Variants in MAPK10 observed in about 807,000 individuals in gnomAD.
MAPK10 encodes mitogen-activated protein kinase 10.
MAPK10 carries 25 observed loss-of-function variants against 59.3 expected under a neutral mutation model. That is an observed-to-expected ratio of 0.42 (90% CI 0.31 to 0.59). The LOEUF (loss-of-function observed/expected upper bound fraction) is 0.59, where lower values mean the gene tolerates loss of function less well. MAPK10 is among the 20% of genes least tolerant of loss of function. The probability of loss-of-function intolerance (pLI) is 0.15; values close to 1 mark genes in which losing one functional copy is unlikely to be tolerated. For missense variants in MAPK10, 351 were observed against 568.9 expected, an observed-to-expected ratio of 0.62 and a Z score of 3.90; for synonymous variants, 190 against 200.5, an observed-to-expected ratio of 0.95 and a Z score of 0.44.
rs947268881 is a variant in MAPK10, at chr4:86,508,328, T to G, written c.-263+85582A>C. 2.6e-5 allele frequency among the ~76,000 whole-genome samples: 4 copies of G among 152,132 alleles called. No homozygotes were observed. The East Asian group carries it at 7.7e-4, about 29-fold the overall frequency. ...TCTTCTCTAGGACTCTTGGACTCCC[T>G]CCCTTTGGTGAGTTCTTTTTTACTT... On this transcript the variant is annotated intron_variant, in intron 1 of 4. Coordinates refer to the MAPK10 transcript ENST00000502302.
chr4:86,096,633 T>C (rs781284246), intron 9 of MAPK10, among the ~76,000 whole-genome samples: 13 of 151,936 alleles, frequency 8.6e-5, no homozygotes, highest in Non-Finnish European at 1.8e-4. Context: ...TGAGTATTGA[T>C]TGAGAGGTTC....
intron 2 of MAPK10, among the ~76,000 whole-genome samples, chr4:86,331,648 C>A (rs1424391357): frequency 6.6e-6 from 1 of 152,156 alleles, no homozygotes; most frequent in East Asian, 1.9e-4. Flanking sequence ...GAAAAACGTT[C>A]TCAGTTGGCA....
intron 1 of MAPK10, among the ~76,000 whole-genome samples, chr4:86,432,307 C>A (rs142964410): frequency 6.6e-6 from 1 of 152,200 alleles, no homozygotes; most frequent in Admixed American, 6.5e-5. Context: ...TGGAATCTTG[C>A]CCTGTCACTG....
chr4:86,343,978 T>C (rs1358149420), intron 2 of MAPK10, among the ~76,000 whole-genome samples: 2 of 152,240 alleles, frequency 1.3e-5, no homozygotes, highest in East Asian at 3.8e-4. Context: ...TATTTTAATT[T>C]ATAAAATGGT....
At chr4:86,562,107 G>C (rs138362332) in intron 1 of MAPK10, among the ~76,000 whole-genome samples, 1 of 152,230 alleles carries the variant, frequency 6.6e-6, no homozygotes, top group Non-Finnish European at 1.5e-5. Context: ...TGTAATTCTA[G>C]TACTTTGGGA....
intron 13 of MAPK10, among the ~76,000 whole-genome samples, chr4:86,019,877 A>C (rs763956006): frequency 6.6e-6 from 1 of 152,206 alleles, no homozygotes; most frequent in Non-Finnish European, 1.5e-5. Flanking sequence ...ATGGTGCTAC[A>C]GCTTAATTTA....
intron 1 of MAPK10, among the ~76,000 whole-genome samples, chr4:86,438,520 T>C (rs1375336172): frequency 6.6e-6 from 1 of 151,922 alleles, no homozygotes; most frequent in Non-Finnish European, 1.5e-5. Context: ...TGAGAACTTG[T>C]CTGTACTAAA....
chr4:86,255,098 GA>G (rs2093648641), intron 2 of MAPK10, among the ~76,000 whole-genome samples: 4 of 151,144 alleles, frequency 2.6e-5, no homozygotes, highest in South Asian at 2.1e-4. Context: ...AAGAAAAAAA[GA>G]AAAAAAAGAA....
chr4:86,341,165 T>C (rs1724680777), intron 2 of MAPK10, among the ~76,000 whole-genome samples: 1 of 152,150 alleles, frequency 6.6e-6, no homozygotes, highest in Non-Finnish European at 1.5e-5. Context: ...ACAATACTAA[T>C]GGATAACAAT....
chr4:86,181,930 A>G (rs181918684), intron 3 of MAPK10, among the ~76,000 whole-genome samples: 64 of 152,284 alleles, frequency 4.2e-4, no homozygotes, highest in Non-Finnish European at 7.4e-4. Flanking sequence ...CAAAAAGAAC[A>G]CTTTCATGAG....
chr4:86,310,752 CT>C (rs1460554026), intron 2 of MAPK10, among the ~76,000 whole-genome samples: 1 of 152,058 alleles, frequency 6.6e-6, no homozygotes, highest in African/African-American at 2.4e-5. Flanking sequence ...GGCTTGCTCT[CT>C]GTTATTTTTT....
chr4:86,139,938 A>G (rs2149174039), intron 4 of MAPK10, among the ~76,000 whole-genome samples: 1 of 147,900 alleles, frequency 6.8e-6, no homozygotes, highest in African/African-American at 2.6e-5. Context: ...AAAAATGCTC[A>G]TCATCACTGG....
chr4:86,366,488 A>C (rs1174855922), intron 1 of MAPK10, among the ~76,000 whole-genome samples: 1 of 152,160 alleles, frequency 6.6e-6, no homozygotes, highest in Admixed American at 6.5e-5. Flanking sequence ...AGGGTTCCTA[A>C]ACCTGAATAT....
intron 2 of MAPK10, among the ~76,000 whole-genome samples, chr4:86,338,699 G>C (rs1197775512): frequency 6.6e-6 from 1 of 152,180 alleles, no homozygotes; most frequent in African/African-American, 2.4e-5. Flanking sequence ...GAGTACACAT[G>C]TTAATGAAGA....
intron 2 of MAPK10, among the ~76,000 whole-genome samples, chr4:86,247,402 C>A (rs1471734083): frequency 1.3e-5 from 2 of 152,210 alleles, no homozygotes; most frequent in African/African-American, 4.8e-5. Flanking sequence ...TGTTAATATA[C>A]ATTTTTGTTA....
intron 3 of MAPK10, among the ~76,000 whole-genome samples, chr4:86,188,491 T>C (rs1265802341): frequency 1.3e-5 from 2 of 152,258 alleles, no homozygotes; most frequent in African/African-American, 2.4e-5. Context: ...ATTTCTCCAA[T>C]GACCAGTGAT....
intron 1 of MAPK10, among the ~76,000 whole-genome samples, chr4:86,372,938 T>C (rs1739134260): frequency 6.6e-6 from 1 of 151,462 alleles, no homozygotes; most frequent in East Asian, 1.9e-4. Context: ...CAAAAAAGAG[T>C]TCATATAGCC....
At chr4:86,059,880 G>C (rs954972532) in intron 11 of MAPK10, among the ~76,000 whole-genome samples, 3 of 152,098 alleles carry the variant, frequency 2.0e-5, no homozygotes, top group African/African-American at 4.8e-5. Context: ...CACACAGAAG[G>C]CCCTATGTTT....
At chr4:86,290,086 C>T (rs1180923515) in intron 2 of MAPK10, among the ~76,000 whole-genome samples, 2 of 152,082 alleles carry the variant, frequency 1.3e-5, no homozygotes, top group Non-Finnish European at 2.9e-5. Context: ...GTTGGAAATA[C>T]AGATTTAAGT....
Sources: allele counts gnomAD v4.1 joint callset (sites outside exome capture counted in the v4.1 genomes callset), GRCh38; gene constraint gnomAD v4.1.1; transcripts MANE v1.5; gene names NCBI Gene and HGNC (gene_info 2026-07-23, HGNC 2026-07-21).